Variants in MATN2 observed in about 807,000 individuals in gnomAD.
MATN2 encodes the protein matrilin-2.
MATN2 carries 69 observed loss-of-function variants against 103.2 expected under a neutral mutation model. The ratio of observed to expected loss-of-function variants is 0.67; its 90% CI spans 0.55 to 0.82. MATN2 has a LOEUF of 0.82. Among genes scored for constraint, MATN2 ranks in the 40% least tolerant of loss-of-function variants. The pLI, the probability that MATN2 is intolerant of heterozygous loss-of-function variation, is 0.00. For synonymous variants in MATN2, 429 were observed against 450.2 expected (o/e 0.95, Z 0.60); for missense variants, 1,023 against 1,211.5 (o/e 0.84, Z 2.31).
intron 10 of MATN2, among the ~76,000 whole-genome samples, chr8:98,015,055 C>T (rs1368945261): frequency 6.6e-6 from 1 of 152,194 alleles, no homozygotes; most frequent in Admixed American, 6.5e-5. Context: ...CTTCTAGTCC[C>T]CCAGAAGCCA....
intron 4 of MATN2, among the ~76,000 whole-genome samples, chr8:97,959,110 T>C (rs1811227729): frequency 6.6e-6 from 1 of 152,236 alleles, no homozygotes; most frequent in Non-Finnish European, 1.5e-5. Flanking sequence ...ATTCTTATCA[T>C]GTCCTACCTC....
chr8:98,010,140 C>T (rs537960633), intron 10 of MATN2, among the ~76,000 whole-genome samples: 11 of 152,290 alleles, frequency 7.2e-5, no homozygotes, highest in African/African-American at 2.4e-4. Flanking sequence ...GAAGCCGCCT[C>T]CTGTTCTTTA....
intron 18 of MATN2, 192 bp downstream of exon 18, chr8:98,033,851 T>C: frequency 1.8e-6 from 1 of 558,384 alleles, no homozygotes. Flanking sequence ...GCCAAGCTTA[T>C]TAGCAGCAGT....
chr8:97,995,108 G>A (rs1011086080), intron 7 of MATN2, among the ~76,000 whole-genome samples: 2 of 152,234 alleles, frequency 1.3e-5, no homozygotes, highest in African/African-American at 4.8e-5. Context: ...TATTGTGGAT[G>A]TACTGAGTGC....
At chr8:97,917,100 T>G (rs1809654633) in intron 2 of MATN2, among the ~76,000 whole-genome samples, 2 of 152,146 alleles carry the variant, frequency 1.3e-5, no homozygotes, top group Admixed American at 6.6e-5. Context: ...CTGGAGTCTC[T>G]TTAGGGAGCA....
chr8:98,027,720 A>G lies in MATN2; in HGVS notation c.2247A>G (p.Gly749=), dbSNP rs760906878. ...TGTTTGAGAGAAGTTTTACCCAAGGAGAAGGGGCCAGGCCCCTTTCCACAA... is the reference window on the plus strand; with the variant it reads ...TGTTTGAGAGAAGTTTTACCCAAGGGGAAGGGGCCAGGCCCCTTTCCACAA... ...KHMFERSFTQ[G]EGARPLSTRV... Residue 749 remains glycine (G), a synonymous_variant, in exon 14 of 19, where the codon GGA becomes GGG. Transcript: ENST00000254898. 3 of 1,613,982 alleles carry G rather than the reference A, an allele frequency of 1.9e-6. No homozygotes were observed. The highest frequency in any genetic ancestry group is 1.7e-6 in the Non-Finnish European group (2 of 1,179,880).
chr8:97,962,316 C>T (rs1012453976), intron 5 of MATN2, among the ~76,000 whole-genome samples: 6 of 152,184 alleles, frequency 3.9e-5, no homozygotes, highest in Admixed American at 3.3e-4. Flanking sequence ...TTTTGTCTTC[C>T]GTGTTCTATT....
In MATN2 at chr8:98,032,403, G is replaced by A. The variant is rs111984331; in HGVS notation, c.2581+86G>A. On this transcript the variant is annotated intron_variant, in intron 16 of 18. Coordinates refer to ENST00000254898, the MANE Select transcript of MATN2 (RefSeq NM_002380.5). The stretch of plus-strand genomic sequence containing the variant: ...AGATAAAAGCTGTAAAGAAGTGAAT[G>A]TAAGTATGTTCAAATTATGATAATG... 320 of 997,856 alleles carry A rather than the reference G, an allele frequency of 3.2e-4. 2 individuals carry two copies. The African/African-American group carries it at 4.6e-3, about 14-fold the overall frequency. The allele number at this position is 997,856 out of a possible 1,614,324, so 61.8% of individuals were successfully genotyped here.
At position 98,007,379 on chromosome 8, in the gene MATN2, C is replaced by A; in HGVS notation, c.1451-100C>A. 6.4e-7 allele frequency: 1 copy of A among 1,554,096 alleles called. No individual in the cohort carries two copies. Among genetic ancestry groups the A allele is most frequent in the Non-Finnish European group, 8.8e-7 (1 of 1,138,826 alleles). ...TGAGGATGTCCACTGGGACTGCATG[C>A]CTTCGAGGGAGGGCGGGGTGAGCAT... is the stretch of plus-strand genomic sequence containing the variant. On this transcript the variant is annotated intron_variant, in intron 9 of 18. Coordinates refer to ENST00000254898, the MANE Select transcript of MATN2 (RefSeq NM_002380.5). This position sits in a 1 kb window ranked among gnomAD's most constrained non-coding sequence, Gnocchi z 4.2.
chr8:97,904,964 G>A (rs1414634673), intron 2 of MATN2, among the ~76,000 whole-genome samples: 2 of 152,308 alleles, frequency 1.3e-5, no homozygotes, highest in Middle Eastern at 3.4e-3. Context: ...AAACACCAGA[G>A]TAGTAGCAGT....
At chr8:98,017,089 T>C (rs1375104052) in intron 11 of MATN2, among the ~76,000 whole-genome samples, 1 of 152,242 alleles carries the variant, frequency 6.6e-6, no homozygotes, top group Non-Finnish European at 1.5e-5. Flanking sequence ...TCTTCACTTA[T>C]ATGCTCTGTG....
At chr8:97,919,045 C>A (rs1809725691) in intron 2 of MATN2, among the ~76,000 whole-genome samples, 1 of 152,124 alleles carries the variant, frequency 6.6e-6, no homozygotes, top group African/African-American at 2.4e-5. Context: ...TGTATGATTG[C>A]CATATTTTCA....
Position 98,003,645 on chromosome 8 carries a change from C to T in MATN2, c.1205-16C>T. On this transcript the variant is annotated splice_polypyrimidine_tract_variant and intron_variant, in intron 7 of 18. Transcript: ENST00000254898. ...GGTCCAGAGTCTGAAGGAAGGTCTG[C>T]CCTTCTTCCCCTCAGGGATCAACTA... 1 of 1,613,480 alleles carries T rather than the reference C, an allele frequency of 6.2e-7. No individual in the cohort carries two copies. The highest frequency in any genetic ancestry group is 8.5e-7 in the Non-Finnish European group (1 of 1,179,550).
intron 5 of MATN2, among the ~76,000 whole-genome samples, chr8:97,976,083 A>G (rs1318801612): frequency 6.6e-6 from 1 of 152,094 alleles, no homozygotes; most frequent in Non-Finnish European, 1.5e-5. Flanking sequence ...TTCTACTAGA[A>G]CTCTTTAGGG....
At chr8:97,907,312 CTTTT>C (rs10557023) in intron 2 of MATN2, among the ~76,000 whole-genome samples, 8 of 117,732 alleles carry the variant, frequency 6.8e-5, no homozygotes, top group African/African-American at 6.4e-5. Flanking sequence ...TCATAGCTCA[CTTTT>C]TTTTTTTTTT....
intron 2 of MATN2, among the ~76,000 whole-genome samples, chr8:97,894,503 G>T (rs1395807777): frequency 6.6e-6 from 1 of 151,600 alleles, no homozygotes; most frequent in Non-Finnish European, 1.5e-5. Flanking sequence ...TAATTTTTTT[G>T]CAGAGACAGG....
chr8:97,924,091 A>T (rs1374706582), intron 2 of MATN2, among the ~76,000 whole-genome samples: 2 of 152,142 alleles, frequency 1.3e-5, no homozygotes, highest in African/African-American at 4.8e-5. Context: ...ATAGGGAATC[A>T]CTATAGTCAC....
At chr8:98,034,258 T>TC (rs2130464385) in intron 18 of MATN2, 1 of 443,338 alleles carries the variant, frequency 2.3e-6, no homozygotes, top group African/African-American at 2.0e-5. Flanking sequence ...TAAACAATAT[T>TC]AAATAAAAGG....
At chr8:98,012,685 T>G (rs1441437162) in intron 10 of MATN2, among the ~76,000 whole-genome samples, 3 of 152,150 alleles carry the variant, frequency 2.0e-5, no homozygotes, top group African/African-American at 7.2e-5. Flanking sequence ...TTGTCTAGTT[T>G]GTCTTCTGAG....
Sources: allele counts gnomAD v4.1 joint callset (sites outside exome capture counted in the v4.1 genomes callset), GRCh38; gene constraint gnomAD v4.1.1; non-coding constraint Gnocchi (gnomAD v3.1); transcripts MANE v1.5; gene names NCBI Gene and HGNC (gene_info 2026-07-23, HGNC 2026-07-21).